GABBR2: variants seen among roughly 807,000 people sequenced by gnomAD.
The protein encoded by GABBR2 is gamma-aminobutyric acid type B receptor subunit 2, also known as G-protein coupled receptor 51.
A neutral mutation model predicts 105.6 loss-of-function variants in GABBR2; 23 were observed. That is an observed-to-expected ratio of 0.22 (90% CI 0.16 to 0.31). The LOEUF (loss-of-function observed/expected upper bound fraction) is 0.31. GABBR2 is among the 10% of genes least tolerant of loss of function. The probability of loss-of-function intolerance (pLI) is 1.00; values close to 1 mark genes in which losing one functional copy is unlikely to be tolerated. For missense variants in GABBR2, 734 were observed against 1,245.5 expected (o/e 0.59, Z 6.18); for synonymous variants, 478 against 499.7 (o/e 0.96, Z 0.58).
chr9:98,352,233 G>C (rs1464527720), intron 13 of GABBR2, among the ~76,000 whole-genome samples: 1 of 152,238 alleles, frequency 6.6e-6, no homozygotes, highest in African/African-American at 2.4e-5. Flanking sequence ...GGCACTGGTG[G>C]TGGCAGTTGT....
At position 98,393,511 on chromosome 9, in the gene GABBR2, C is replaced by G. The variant is rs528479322; in HGVS notation, c.1378+664G>C. Reference sequence around the variant, plus strand: ...TCCACCAGCCCACCCACCCATCCATCCATCCACTTGATCAATTCATTTTGT... The same window carrying G: ...TCCACCAGCCCACCCACCCATCCATGCATCCACTTGATCAATTCATTTTGT... On this transcript the variant is annotated intron_variant, in intron 9 of 18. Coordinates refer to ENST00000259455, the MANE Select transcript of GABBR2 (RefSeq NM_005458.8). Among the ~76,000 whole-genome samples, 40 of 152,296 alleles carry G rather than the reference C, an allele frequency of 2.6e-4. No individual in the cohort carries two copies. The East Asian group carries it at 6.6e-3, about 25-fold the overall frequency.
intron 2 of GABBR2, among the ~76,000 whole-genome samples, chr9:98,567,848 T>A (rs994840267): frequency 1.3e-5 from 2 of 152,198 alleles, no homozygotes; most frequent in Non-Finnish European, 2.9e-5. Flanking sequence ...GTCTCCTGCA[T>A]CAAACTGCCT....
chr9:98,405,784 T>C (rs1419918210), intron 8 of GABBR2, among the ~76,000 whole-genome samples: 1 of 152,238 alleles, frequency 6.6e-6, no homozygotes, highest in Non-Finnish European at 1.5e-5. Flanking sequence ...AAAAAGTCTG[T>C]ATGTATTTGG....
chr9:98,433,496 G>A (rs1241811636), intron 7 of GABBR2, among the ~76,000 whole-genome samples: 1 of 152,160 alleles, frequency 6.6e-6, no homozygotes, highest in Non-Finnish European at 1.5e-5. Flanking sequence ...ACTTTTTCAA[G>A]CTAGCCTCTA....
Position 98,708,702 on chromosome 9 carries a change from C to T in GABBR2, c.36G>A (p.Pro12=). The stretch of plus-strand genomic sequence containing the variant: ...CGGGCGGCGGTGGCGGCGGCGGCGG[C>T]GGCCCGGGCTGCCCGGAGCTCCGCG... ...ASPRSSGQPG[P]PPPPPPPPAR... is the part of the protein sequence containing the mutation. Residue 12 remains proline (P), a synonymous_variant, in exon 1 of 19, where the codon CCG becomes CCA. Transcript: ENST00000259455. The T allele has an allele frequency of 2.0e-6, 2 of 1,012,496 alleles. No homozygotes were observed. Among genetic ancestry groups the T allele is most frequent in the Non-Finnish European group, 2.4e-6 (2 of 850,638 alleles). 62.7% of individuals were successfully genotyped at this position (1,012,496 alleles called of 1,614,324 possible). A position where few individuals can be genotyped will look rare whatever the true frequency, so the allele number is the denominator to read the frequency against.
intron 1 of GABBR2, among the ~76,000 whole-genome samples, chr9:98,631,960 G>A (rs2131829174): frequency 6.6e-6 from 1 of 152,308 alleles, no homozygotes. Context: ...AGGTTATGAA[G>A]CTGAATTAGC....
rs145095054 is a variant in GABBR2 at position 98,578,070 on chromosome 9, G to A, written c.324C>T (p.Cys108=). The A allele has an allele frequency of 2.1e-5, 34 of 1,613,364 alleles. No individual in the cohort carries two copies. Among genetic ancestry groups the A allele is most frequent in the Middle Eastern group, 3.3e-4 (2 of 6,080 alleles). ...AGGCTTTCAACCCTTTTGCGTTGTC[G>A]CACTGGGAAGCAACACATAGAAAGA... ...FLDLRLYDTE[C]DNAKGLKAFY... The change falls in exon 2 of 19, where the codon TGC becomes TGT. Residue 108 remains cysteine, a splice_region_variant and synonymous_variant. Coordinates refer to ENST00000259455, the MANE Select transcript of GABBR2 (RefSeq NM_005458.8).
intron 1 of GABBR2, among the ~76,000 whole-genome samples, chr9:98,635,682 A>C (rs1829865864): frequency 6.6e-6 from 1 of 152,194 alleles, no homozygotes; most frequent in Admixed American, 6.5e-5. Context: ...AAATAGACAG[A>C]CCAGGCAGAA....
At chr9:98,489,706 G>A (rs1490162574) in intron 4 of GABBR2, among the ~76,000 whole-genome samples, 5 of 151,568 alleles carry the variant, frequency 3.3e-5, no homozygotes, top group African/African-American at 7.3e-5. Flanking sequence ...TGCCTACGGC[G>A]ACCATCACAC....
At chr9:98,527,996 C>G (rs866883204) in intron 3 of GABBR2, among the ~76,000 whole-genome samples, 1 of 152,188 alleles carries the variant, frequency 6.6e-6, no homozygotes, top group African/African-American at 2.4e-5. Flanking sequence ...GATTATCAAG[C>G]GCTTGAAATC....
chr9:98,651,623 G>T (rs10987249), intron 1 of GABBR2, among the ~76,000 whole-genome samples: 9 of 151,604 alleles, frequency 5.9e-5, no homozygotes, highest in African/African-American at 2.2e-4. Flanking sequence ...ATTAGAGATG[G>T]GTCTCGCTAT....
At chr9:98,639,049 G>A (rs755142544) in intron 1 of GABBR2, among the ~76,000 whole-genome samples, 2 of 152,020 alleles carry the variant, frequency 1.3e-5, no homozygotes, top group African/African-American at 2.4e-5. Flanking sequence ...CTCATTATTG[G>A]GCCACAAGAA....
chr9:98,443,469 C>T (rs1433160438), intron 7 of GABBR2, among the ~76,000 whole-genome samples: 15 of 152,160 alleles, frequency 9.9e-5, no homozygotes, highest in Admixed American at 9.8e-4. Context: ...TGTACATTGT[C>T]TGCAGTCATT....
At chr9:98,400,362 A>T (rs1314760981) in intron 8 of GABBR2, among the ~76,000 whole-genome samples, 1 of 152,148 alleles carries the variant, frequency 6.6e-6, no homozygotes, top group Non-Finnish European at 1.5e-5. Flanking sequence ...CCGTCAAAAA[A>T]TGAGGGATCC....
At chr9:98,326,634 C>G (rs1487419391) in intron 13 of GABBR2, among the ~76,000 whole-genome samples, 1 of 152,178 alleles carries the variant, frequency 6.6e-6, no homozygotes, top group Non-Finnish European at 1.5e-5. Context: ...AGAGTTGCCT[C>G]ATGGAAGATG....
chr9:98,460,706 GA>G (rs1826409341), intron 6 of GABBR2, among the ~76,000 whole-genome samples: 1 of 152,072 alleles, frequency 6.6e-6, no homozygotes. Flanking sequence ...TAGAAGGTGA[GA>G]AAAGAGAGAC....
intron 6 of GABBR2, among the ~76,000 whole-genome samples, chr9:98,457,947 G>C (rs188232426): frequency 1.3e-5 from 2 of 152,196 alleles, no homozygotes; most frequent in African/African-American, 4.8e-5. Flanking sequence ...CAAGTTTATC[G>C]TGAGATGCTA....
At chr9:98,626,050 C>T (rs142988142) in intron 1 of GABBR2, among the ~76,000 whole-genome samples, 143 of 152,232 alleles carry the variant, frequency 9.4e-4, no homozygotes, top group African/African-American at 3.0e-3. Flanking sequence ...GCTCCCTGAC[C>T]GGGAGAAGAA....
intron 16 of GABBR2, 33 bp from the exon 17 acceptor site, chr9:98,299,386 C>T: frequency 6.2e-7 from 1 of 1,613,116 alleles, no homozygotes; most frequent in African/African-American, 1.3e-5. Flanking sequence ...GAGTCAGGTC[C>T]CTGGCCCAGC....
Sources: gnomAD v4.1 joint callset for allele counts (sites outside exome capture counted in the v4.1 genomes callset) on GRCh38, gnomAD v4.1.1 for gene constraint, MANE v1.5 for transcripts, NCBI Gene and HGNC (gene_info 2026-07-23, HGNC 2026-07-21) for gene names.